Variants in RAC3 observed in about 807,000 individuals in gnomAD.
RAC3 encodes ras-related C3 botulinum toxin substrate 3.
A neutral mutation model predicts 19.0 loss-of-function variants in RAC3; 9 were observed. The ratio of observed to expected loss-of-function variants is 0.47; its 90% CI spans 0.29 to 0.83. RAC3 has a LOEUF of 0.83. RAC3 is among the 40% of genes least tolerant of loss of function. The pLI, the probability that RAC3 is intolerant of heterozygous loss-of-function variation, is 0.09. For synonymous variants in RAC3, 146 were observed against 111.8 expected, an observed-to-expected ratio of 1.31 and a Z score of -1.93; for missense variants, 203 against 260.8, an observed-to-expected ratio of 0.78 and a Z score of 1.53.
chr17:82,031,846 C>A, intron 1 of RAC3, 50 bp downstream of exon 1: 1 of 511,650 alleles, frequency 2.0e-6, no homozygotes, highest in Non-Finnish European at 2.5e-6. Flanking sequence ...GGGAGGGGGG[C>A]TCGGGGGCTC....
Position 82,031,714 on chromosome 17 carries a change from T to C in RAC3, c.-48T>C. 1 of 975,026 alleles carries C rather than the reference T, an allele frequency of 1.0e-6. No homozygotes were observed. Among genetic ancestry groups the C allele is most frequent in the East Asian group, 1.1e-4 (1 of 8,812 alleles). The allele number at this position is 975,026 out of a possible 1,614,324, so 60.4% of individuals were successfully genotyped here. A position where few individuals can be genotyped will look rare whatever the true frequency, so the allele number is the denominator to read the frequency against. On this transcript the variant is annotated 5_prime_UTR_variant, in exon 1 of 6. Transcript: ENST00000306897. ...CGGCCGCTGCGGCGCCGGGCATTTC[T>C]CCGCAGCTCGGCTCGCGGCCGCGCC...
rs556665128 is a variant in RAC3, at chr17:82,034,038, C to T, written c.*209C>T. 120 of 356,004 alleles carry T rather than the reference C, an allele frequency of 3.4e-4. No individual in the cohort carries two copies. The highest frequency in any genetic ancestry group is 2.2e-3 in the African/African-American group (82 of 36,830). The allele number at this position is 356,004 out of a possible 1,614,324, so 22.1% of individuals were successfully genotyped here. On this transcript the variant is annotated 3_prime_UTR_variant, in exon 6 of 6. Coordinates refer to ENST00000306897, the MANE Select transcript of RAC3 (RefSeq NM_005052.3). ...GGCTCCAGCCTTCCCTGGCCCCCGC[C>T]GGAGGCCGGGAGGGAGCAGGGTCTC...
At position 82,033,861 on chromosome 17, in the gene RAC3, G is replaced by C. The variant is rs745912043; in HGVS notation, c.*32G>C. The C allele has an allele frequency of 9.6e-6, 15 of 1,567,572 alleles. No individual in the cohort carries two copies. The highest frequency in any genetic ancestry group is 1.2e-5 in the Non-Finnish European group (14 of 1,156,504). ...GGCCCACCCGAGCCTGAGGGCTGGC[G>C]GGGAGCAGCCCTGGACGTGTCCGCT... is the stretch of plus-strand genomic sequence containing the variant. On this transcript the variant is annotated 3_prime_UTR_variant, in exon 6 of 6. Coordinates refer to ENST00000306897, the MANE Select transcript of RAC3 (RefSeq NM_005052.3). The surrounding 1 kb of genome is among the most constrained non-coding windows in gnomAD (Gnocchi z 6.2).
rs2043459590 is a variant in RAC3 at position 82,034,009 on chromosome 17, G to A, written c.*180G>A. 2 of 825,056 alleles carry A rather than the reference G, an allele frequency of 2.4e-6. No individual in the cohort carries two copies. Among genetic ancestry groups the A allele is most frequent in the African/African-American group, 3.5e-5 (2 of 57,298 alleles). The allele number at this position is 825,056 out of a possible 1,614,324, so 51.1% of individuals were successfully genotyped here. ...GTCCTCTCTGCCGCCTCATTCTGGG[G>A]TGTGGCTCCAGCCTTCCCTGGCCCC... On this transcript the variant is annotated 3_prime_UTR_variant, in exon 6 of 6. Coordinates refer to ENST00000306897, the MANE Select transcript of RAC3 (RefSeq NM_005052.3).
chr17:82,033,628 AG>A lies in RAC3; in HGVS notation c.448+33del. 6.2e-7 allele frequency: 1 copy of A among 1,601,922 alleles called. No homozygotes were observed. Among genetic ancestry groups the A allele is most frequent in the Non-Finnish European group, 8.5e-7 (1 of 1,172,206 alleles). On this transcript the variant is annotated intron_variant, in intron 5 of 5. Transcript: ENST00000306897. The surrounding 1 kb of genome is among the most constrained non-coding windows in gnomAD (Gnocchi z 6.2). ...GGTAGGCGCTGGCGGCCTGCAGGGG[AG>A]GGGTGGGGAGGCGCAGTAAGGGCCT... is the stretch of plus-strand genomic sequence containing the variant.
At position 82,033,384 on chromosome 17, in the gene RAC3, G is replaced by A. The variant is rs2043452108; in HGVS notation, c.289-56G>A. 1 of 1,510,882 alleles carries A rather than the reference G, an allele frequency of 6.6e-7. No individual in the cohort carries two copies. The highest frequency in any genetic ancestry group is 1.3e-5 in the South Asian group (1 of 76,262). The allele number at this position is 1,510,882 out of a possible 1,614,324, so 93.6% of individuals were successfully genotyped here. On this transcript the variant is annotated intron_variant, in intron 4 of 5. Coordinates refer to ENST00000306897, the MANE Select transcript of RAC3 (RefSeq NM_005052.3). This position sits in a 1 kb window ranked among gnomAD's most constrained non-coding sequence, Gnocchi z 6.2. ...GTCCCTGAGGGCCGTGACTTGCTCA[G>A]GTGGGGCTGGGGTAGCCGACTCCGG...
Position 82,032,974 on chromosome 17 carries a change from G to A in RAC3, c.253G>A (p.Val85Met). The stretch of plus-strand genomic sequence containing the variant: ...CGTCTTTCTGATCTGCTTCTCTCTG[G>A]TGAGCCCGGCCTCCTTCGAGAATGT... ...TDVFLICFSL[V>M]SPASFENVRA... The change falls in exon 4 of 6, where the codon GTG becomes ATG. Residue 85 changes from valine (V) to methionine (M), a missense_variant. Val to Met is a conservative substitution (Grantham distance 21). Coordinates refer to ENST00000306897, the MANE Select transcript of RAC3 (RefSeq NM_005052.3). 6.2e-7 allele frequency: 1 copy of A among 1,613,658 alleles called. No homozygotes were observed. Among genetic ancestry groups the A allele is most frequent in the Non-Finnish European group, 8.5e-7 (1 of 1,179,984 alleles).
chr17:82,033,456 G>C lies in RAC3; in HGVS notation c.305G>C (p.Arg102Pro), dbSNP rs755522089. 6.2e-7 allele frequency: 1 copy of C among 1,607,994 alleles called. No homozygotes were observed. Among genetic ancestry groups the C allele is most frequent in the Non-Finnish European group, 8.5e-7 (1 of 1,177,288 alleles). Residue 102 changes from arginine to proline, a missense_variant, in exon 5 of 6, where the codon CGG (arginine) becomes CCG (proline). Physicochemically the swap from Arg to Pro is moderately radical, Grantham distance 103 (BLOSUM62 -2). Transcript: ENST00000306897. The surrounding 1 kb of genome is among the most constrained non-coding windows in gnomAD (Gnocchi z 6.2). Reference protein sequence around the residue: ...NVRAKWYPEVRHHCPHTPILL... With the variant: ...NVRAKWYPEVPHHCPHTPILL... The stretch of plus-strand genomic sequence containing the variant: ...TCCCTGCAGTGGTACCCGGAGGTGC[G>C]GCACCACTGCCCCCACACGCCCATC...
At chr17:82,032,317 G>A (rs1332457454) in intron 1 of RAC3, 70 bp from the exon 2 acceptor site, 1 of 1,507,826 alleles carries the variant, frequency 6.6e-7, no homozygotes, top group Non-Finnish European at 9.2e-7. Context: ...CTCCGGGAGA[G>A]GGGGCTGCCC....
rs1175743370 is a variant in RAC3 at position 82,033,612 on chromosome 17, T to C, written c.448+13T>C. The C allele has an allele frequency of 5.0e-6, 8 of 1,605,698 alleles. No individual in the cohort carries two copies. The highest frequency in any genetic ancestry group is 1.7e-5 in the Admixed American group (1 of 59,612). Reference sequence around the variant, plus strand: ...GCCCGGGAGATTGGTGGGTAGGCGCTGGCGGCCTGCAGGGGAGGGGTGGGG... The same window carrying C: ...GCCCGGGAGATTGGTGGGTAGGCGCCGGCGGCCTGCAGGGGAGGGGTGGGG... On this transcript the variant is annotated intron_variant, in intron 5 of 5. Coordinates refer to ENST00000306897, the MANE Select transcript of RAC3 (RefSeq NM_005052.3). The surrounding 1 kb of genome is among the most constrained non-coding windows in gnomAD (Gnocchi z 6.2).
In RAC3 at chr17:82,033,019, G is replaced by T. The variant is rs1420884786; in HGVS notation, c.288+10G>T. ...GAATGTTCGTGCCAAGGTAGGGCAA[G>T]GCTGGGGGCCCCTGTGGGGAGAGGG... On this transcript the variant is annotated intron_variant, in intron 4 of 5. Transcript: ENST00000306897. This position sits in a 1 kb window ranked among gnomAD's most constrained non-coding sequence, Gnocchi z 6.2. 2.5e-6 allele frequency: 4 copies of T among 1,612,372 alleles called. No homozygotes were observed. The highest frequency in any genetic ancestry group is 2.2e-5 in the East Asian group (1 of 44,894).
rs960522768 is a variant in RAC3 at position 82,033,931 on chromosome 17, G to A, written c.*102G>A. The A allele has an allele frequency of 1.1e-4, 156 of 1,427,650 alleles. No individual in the cohort carries two copies. The highest frequency in any genetic ancestry group is 1.6e-4 in the African/African-American group (11 of 70,580). 88.4% of individuals were successfully genotyped at this position (1,427,650 alleles called of 1,614,324 possible). A position where few individuals can be genotyped will look rare whatever the true frequency, so the allele number is the denominator to read the frequency against. ...TGTCCCTGAGTCGGCTGTGGGGAGC[G>A]GTGGGGGTGGGCCGGGGGGAAGCAT... On this transcript the variant is annotated 3_prime_UTR_variant, in exon 6 of 6. Transcript: ENST00000306897. The surrounding 1 kb of genome is among the most constrained non-coding windows in gnomAD (Gnocchi z 6.2).
Position 82,033,368 on chromosome 17 carries a change from G to A in RAC3, c.289-72G>A, listed in dbSNP as rs1598459280. The A allele has an allele frequency of 1.1e-5, 16 of 1,451,148 alleles. No individual in the cohort carries two copies. The East Asian group carries it at 3.1e-4, about 28-fold the overall frequency. The allele number at this position is 1,451,148 out of a possible 1,614,324, so 89.9% of individuals were successfully genotyped here. On this transcript the variant is annotated intron_variant, in intron 4 of 5. Transcript: ENST00000306897. This position sits in a 1 kb window ranked among gnomAD's most constrained non-coding sequence, Gnocchi z 6.2. Reference sequence around the variant, plus strand: ...TGGAACAGTGGGGAAAGTCCCTGAGGGCCGTGACTTGCTCAGGTGGGGCTG... The same window carrying A: ...TGGAACAGTGGGGAAAGTCCCTGAGAGCCGTGACTTGCTCAGGTGGGGCTG...
chr17:82,032,887 G>A, intron 3 of RAC3, 59 bp downstream of exon 3: 3 of 1,610,172 alleles, frequency 1.9e-6, no homozygotes, highest in Non-Finnish European at 2.5e-6. Context: ...CCGCACAAGG[G>A]AGGGAGCAGG....
chr17:82,033,506 C>T lies in RAC3; in HGVS notation c.355C>T (p.Leu119Phe). Residue 119 changes from leucine (L) to phenylalanine (F), a missense_variant, in exon 5 of 6, where the codon CTC (leucine) becomes TTC (phenylalanine). By Grantham distance (22) the Leu-to-Phe change is conservative (BLOSUM62 0). Coordinates refer to ENST00000306897, the MANE Select transcript of RAC3 (RefSeq NM_005052.3). The surrounding 1 kb of genome is among the most constrained non-coding windows in gnomAD (Gnocchi z 6.2). ...CCTCCTGGTGGGCACCAAGCTGGACCTCCGCGACGACAAGGACACCATTGA... is the reference window on the plus strand; with the variant it reads ...CCTCCTGGTGGGCACCAAGCTGGACTTCCGCGACGACAAGGACACCATTGA... ...PILLVGTKLD[L>F]RDDKDTIERL... 6.2e-7 allele frequency: 1 copy of T among 1,612,858 alleles called. No homozygotes were observed. Among genetic ancestry groups the T allele is most frequent in the Non-Finnish European group, 8.5e-7 (1 of 1,179,804 alleles).
In RAC3 at chr17:82,032,981, C is replaced by T. The variant is rs772126322; in HGVS notation, c.260C>T (p.Pro87Leu). 3.1e-6 allele frequency: 5 copies of T among 1,613,636 alleles called. No homozygotes were observed. Among genetic ancestry groups the T allele is most frequent in the Admixed American group, 3.3e-5 (2 of 60,032 alleles). The change falls in exon 4 of 6, where the codon CCG becomes CTG. Residue 87 changes from proline (P) to leucine (L), a missense_variant. Pro to Leu is a moderately conservative substitution (Grantham distance 98, BLOSUM62 -3). Transcript: ENST00000306897. ...VFLICFSLVSPASFENVRAKW... is the reference protein window; with the variant it reads ...VFLICFSLVSLASFENVRAKW... Reference sequence around the variant, plus strand: ...CTGATCTGCTTCTCTCTGGTGAGCCCGGCCTCCTTCGAGAATGTTCGTGCC... The same window carrying T: ...CTGATCTGCTTCTCTCTGGTGAGCCTGGCCTCCTTCGAGAATGTTCGTGCC...
intron 3 of RAC3, 38 bp from the exon 4 acceptor site, chr17:82,032,909 C>T (rs1156332585): frequency 1.2e-6 from 2 of 1,609,436 alleles, no homozygotes; most frequent in African/African-American, 1.3e-5. Context: ...CCCTGGGGAG[C>T]CCCTGACCAC....
In RAC3 at chr17:82,033,684, C is replaced by A. The variant is rs1369291846; in HGVS notation, c.449-15C>A. On this transcript the variant is annotated splice_polypyrimidine_tract_variant and intron_variant, in intron 5 of 5. Coordinates refer to ENST00000306897, the MANE Select transcript of RAC3 (RefSeq NM_005052.3). This position sits in a 1 kb window ranked among gnomAD's most constrained non-coding sequence, Gnocchi z 6.2. The stretch of plus-strand genomic sequence containing the variant: ...GTACCCCACCCTCACTGTCTCCCCT[C>A]CTCACTGCCGCTAGGCTCTGTGAAA... 9 of 1,610,556 alleles carry A rather than the reference C, an allele frequency of 5.6e-6. No individual in the cohort carries two copies. In the African/African-American group the frequency reaches 1.1e-4, roughly 19 times the overall value.
Position 82,033,382 on chromosome 17 carries a change from C to T in RAC3, c.289-58C>T. On this transcript the variant is annotated intron_variant, in intron 4 of 5. Coordinates refer to ENST00000306897, the MANE Select transcript of RAC3 (RefSeq NM_005052.3). The surrounding 1 kb of genome is among the most constrained non-coding windows in gnomAD (Gnocchi z 6.2). The stretch of plus-strand genomic sequence containing the variant: ...AAGTCCCTGAGGGCCGTGACTTGCT[C>T]AGGTGGGGCTGGGGTAGCCGACTCC... The T allele has an allele frequency of 6.6e-7, 1 of 1,503,886 alleles. No individual in the cohort carries two copies. Among genetic ancestry groups the T allele is most frequent in the East Asian group, 2.3e-5 (1 of 43,168 alleles). The allele number at this position is 1,503,886 out of a possible 1,614,324, so 93.2% of individuals were successfully genotyped here. A position where few individuals can be genotyped will look rare whatever the true frequency, so the allele number is the denominator to read the frequency against.
Sources: gnomAD v4.1 joint callset for allele counts on GRCh38, gnomAD v4.1.1 for gene constraint, Gnocchi (gnomAD v3.1) non-coding constraint, MANE v1.5 for transcripts, NCBI Gene and HGNC (gene_info 2026-07-23, HGNC 2026-07-21) for gene names.